RAP1GDS1: variants seen among roughly 807,000 people sequenced by gnomAD.
RAP1GDS1 encodes Rap1 GTPase-GDP dissociation stimulator 1, also known as RAP1, GTP-GDP dissociation stimulator 1.
RAP1GDS1 carries 35 observed loss-of-function variants against 71.1 expected under a neutral mutation model. The observed-to-expected ratio is 0.49, with a 90% CI of 0.38 to 0.65. RAP1GDS1 has a LOEUF of 0.65. Among genes scored for constraint, RAP1GDS1 ranks in the 30% least tolerant of loss-of-function variants. The pLI is 0.00. For synonymous variants in RAP1GDS1, 229 were observed against 243.1 expected (o/e 0.94, Z 0.54); for missense variants, 663 against 706.1 (o/e 0.94, Z 0.69).
intron 1 of RAP1GDS1, among the ~76,000 whole-genome samples, chr4:98,266,470 A>C (rs376100396): frequency 2.0e-5 from 3 of 152,184 alleles, no homozygotes; most frequent in Non-Finnish European, 4.4e-5. Context: ...CTCTGTAGAT[A>C]GGTATCAAAC....
chr4:98,422,642 TAAG>T (rs939244410), intron 12 of RAP1GDS1, among the ~76,000 whole-genome samples: 10 of 152,362 alleles, frequency 6.6e-5, no homozygotes, highest in South Asian at 2.1e-4. Flanking sequence ...TTAGAACAGA[TAAG>T]AAGAAGATGC....
In RAP1GDS1 at chr4:98,418,637, A is replaced by C; in HGVS notation, c.1040-20A>C. The stretch of plus-strand genomic sequence containing the variant: ...AGATATTTTAAAGAGGAAGAAAAAG[A>C]TGTGTGTTTTTTTTTTCAGATGCAA... On this transcript the variant is annotated intron_variant, in intron 9 of 14. Coordinates refer to ENST00000408927, the MANE Select transcript of RAP1GDS1 (RefSeq NM_001100427.2). 6.3e-7 allele frequency: 1 copy of C among 1,577,850 alleles called. No individual in the cohort carries two copies. The highest frequency in any genetic ancestry group is 8.6e-7 in the Non-Finnish European group (1 of 1,165,544).
chr4:98,300,394 A>T (rs950627229), intron 2 of RAP1GDS1, among the ~76,000 whole-genome samples: 1 of 151,886 alleles, frequency 6.6e-6, no homozygotes. Context: ...AGTATAGTGT[A>T]GACAGAACTT....
chr4:98,316,190 G>A (rs1220138084), intron 2 of RAP1GDS1, among the ~76,000 whole-genome samples: 3 of 152,094 alleles, frequency 2.0e-5, no homozygotes, highest in African/African-American at 7.2e-5. Context: ...TAGAGTTGTT[G>A]AAATCATTGG....
chr4:98,391,639 G>A (rs1481881071), intron 5 of RAP1GDS1, among the ~76,000 whole-genome samples: 1 of 151,926 alleles, frequency 6.6e-6, no homozygotes, highest in African/African-American at 2.4e-5. Context: ...GGTAATGTTT[G>A]TTTATACTTA....
At chr4:98,262,697 A>T (rs1284379277) in intron 1 of RAP1GDS1, among the ~76,000 whole-genome samples, 1 of 152,186 alleles carries the variant, frequency 6.6e-6, no homozygotes, top group African/African-American at 2.4e-5. Context: ...AGTTATTTAA[A>T]GCTTGAGATG....
chr4:98,364,881 T>C (rs1278419909), intron 4 of RAP1GDS1, among the ~76,000 whole-genome samples: 2 of 151,648 alleles, frequency 1.3e-5, no homozygotes, highest in African/African-American at 4.8e-5. Context: ...GTAAAAGAAT[T>C]AGCCTGGCGT....
Position 98,274,997 on chromosome 4 carries a change from G to A in RAP1GDS1, c.4+13428G>A, listed in dbSNP as rs761960310. 7.3e-5 allele frequency among the ~76,000 whole-genome samples: 11 copies of A among 151,126 alleles called. No individual in the cohort carries two copies. In the East Asian group the frequency reaches 7.7e-4, roughly 11 times the overall value. The stretch of plus-strand genomic sequence containing the variant: ...TGCTTGGATAATAAATGAGATACCC[G>A]GAAGCTTAATTTGTTTGCAGCTGTG... On this transcript the variant is annotated intron_variant, in intron 1 of 14. Coordinates refer to ENST00000408927, the MANE Select transcript of RAP1GDS1 (RefSeq NM_001100427.2).
intron 2 of RAP1GDS1, among the ~76,000 whole-genome samples, chr4:98,303,878 A>G (rs1406813092): frequency 6.6e-6 from 1 of 151,578 alleles, no homozygotes; most frequent in Non-Finnish European, 1.5e-5. Context: ...TACAGACCCC[A>G]TTGTGTGGTG....
At chr4:98,318,988 G>T (rs189143983) in intron 2 of RAP1GDS1, among the ~76,000 whole-genome samples, 2 of 152,176 alleles carry the variant, frequency 1.3e-5, no homozygotes, top group East Asian at 1.9e-4. Context: ...TAGTTCTCTG[G>T]GGGGGGAAAT....
chr4:98,307,188 C>G (rs1729454159), intron 2 of RAP1GDS1, among the ~76,000 whole-genome samples: 1 of 151,690 alleles, frequency 6.6e-6, no homozygotes, highest in African/African-American at 2.4e-5. Context: ...GTTCCTTATA[C>G]ATATTTCTAT....
At chr4:98,413,667 C>A (rs934369739) in intron 7 of RAP1GDS1, among the ~76,000 whole-genome samples, 2 of 151,864 alleles carry the variant, frequency 1.3e-5, no homozygotes, top group African/African-American at 4.8e-5. Flanking sequence ...GTGAATAATG[C>A]CGCAATAAAC....
At chr4:98,358,640 C>T (rs922858190) in intron 4 of RAP1GDS1, among the ~76,000 whole-genome samples, 1 of 151,968 alleles carries the variant, frequency 6.6e-6, no homozygotes, top group African/African-American at 2.4e-5. Flanking sequence ...TGATGGAAAC[C>T]TGACTAGCAT....
chr4:98,350,621 C>T (rs1373997847), intron 3 of RAP1GDS1, among the ~76,000 whole-genome samples: 2 of 152,072 alleles, frequency 1.3e-5, no homozygotes, highest in East Asian at 3.9e-4. Flanking sequence ...AGGTGGATCA[C>T]GAGGTCAGGA....
chr4:98,337,628 C>T (rs1392332987), intron 2 of RAP1GDS1, among the ~76,000 whole-genome samples: 2 of 152,096 alleles, frequency 1.3e-5, no homozygotes, highest in African/African-American at 2.4e-5. Flanking sequence ...AATTAAGACA[C>T]AGTGTTTATG....
chr4:98,373,328 G>A (rs141290636), intron 4 of RAP1GDS1, among the ~76,000 whole-genome samples: 1 of 151,662 alleles, frequency 6.6e-6, no homozygotes, highest in African/African-American at 2.4e-5. Flanking sequence ...TATTTTTTCT[G>A]TTTTTTTCCC....
At chr4:98,389,171 A>G (rs1159324702) in intron 5 of RAP1GDS1, among the ~76,000 whole-genome samples, 1 of 152,194 alleles carries the variant, frequency 6.6e-6, no homozygotes, top group Non-Finnish European at 1.5e-5. Flanking sequence ...TGGGATTTTT[A>G]TGAAAATAGC....
chr4:98,354,486 TACAC>T (rs1189642420), intron 4 of RAP1GDS1, among the ~76,000 whole-genome samples: 3 of 152,232 alleles, frequency 2.0e-5, no homozygotes, highest in Non-Finnish European at 4.4e-5. Context: ...AAAATAGAAA[TACAC>T]ACAGTGATAT....
chr4:98,334,881 C>A (rs1578484746), intron 2 of RAP1GDS1, among the ~76,000 whole-genome samples: 3 of 105,846 alleles, frequency 2.8e-5, no homozygotes, highest in African/African-American at 3.8e-5. Flanking sequence ...AGTTTTATAT[C>A]AACACCAGTA....
Sources: gnomAD v4.1 joint callset for allele counts (sites outside exome capture counted in the v4.1 genomes callset) on GRCh38, gnomAD v4.1.1 for gene constraint, MANE v1.5 for transcripts, NCBI Gene and HGNC (gene_info 2026-07-23, HGNC 2026-07-21) for gene names.